COG1: variants seen among roughly 807,000 people sequenced by gnomAD.
The protein encoded by COG1 is component of oligomeric golgi complex 1.
In COG1, 61 loss-of-function variants were observed where a neutral mutation model predicts 102.2. The observed-to-expected ratio is 0.60, with a 90% CI of 0.49 to 0.74. The LOEUF (loss-of-function observed/expected upper bound fraction) is 0.74, where lower values mean the gene tolerates loss of function less well. Ranked by LOEUF, COG1 falls within the 30% of genes least tolerant of loss-of-function variation. COG1 has a pLI of 0.00. For synonymous variants in COG1, 454 were observed against 493.6 expected (o/e 0.92, Z 1.06); for missense variants, 1,164 against 1,232.1 (o/e 0.94, Z 0.83).
intron 13 of COG1, chr17:73,208,100 C>T (rs2061390407): frequency 4.8e-6 from 7 of 1,446,554 alleles, no homozygotes; most frequent in Non-Finnish European, 6.4e-6. Flanking sequence ...CAAGACAGTC[C>T]TCATTTCCAA....
intron 1 of COG1, among the ~76,000 whole-genome samples, chr17:73,194,259 G>A (rs1268648161): frequency 6.8e-6 from 1 of 147,646 alleles, no homozygotes; most frequent in African/African-American, 2.5e-5. Context: ...TGGCTAACAC[G>A]GTGAAACCCC....
At chr17:73,205,104 A>T (rs1350792259) in intron 9 of COG1, 1 of 227,732 alleles carries the variant, frequency 4.4e-6, no homozygotes, top group Non-Finnish European at 8.8e-6. Flanking sequence ...TGGAGGTTGC[A>T]GTGAGCCCAG....
rs1312370015 is a variant in COG1, at chr17:73,196,428, A to C, written c.316-79A>C. Reference sequence around the variant, plus strand: ...AAGTTTTGTATCCTTAAATACCCCCAGATTTCTTCCTAAGCCTACAGAACA... The same window carrying C: ...AAGTTTTGTATCCTTAAATACCCCCCGATTTCTTCCTAAGCCTACAGAACA... On this transcript the variant is annotated intron_variant, in intron 1 of 13. Coordinates refer to ENST00000299886, the MANE Select transcript of COG1 (RefSeq NM_018714.3). The C allele has an allele frequency of 2.6e-5, 42 of 1,608,292 alleles. 1 individual carries two copies. The highest frequency in any genetic ancestry group is 1.2e-4 in the South Asian group (11 of 90,232).
intron 4 of COG1, among the ~76,000 whole-genome samples, chr17:73,197,723 G>A (rs1479947147): frequency 6.6e-6 from 1 of 152,214 alleles, no homozygotes; most frequent in Non-Finnish European, 1.5e-5. Flanking sequence ...AAGGTTGAGT[G>A]GGAGTCACTT....
At position 73,197,007 on chromosome 17, in the gene COG1, C is replaced by T; in HGVS notation, c.668C>T (p.Pro223Leu). 1 of 1,614,226 alleles carries T rather than the reference C, an allele frequency of 6.2e-7. No homozygotes were observed. Among genetic ancestry groups the T allele is most frequent in the African/African-American group, 1.3e-5 (1 of 75,064 alleles). Residue 223 changes from proline to leucine, a missense_variant, in exon 3 of 14, where the codon CCT becomes CTT. Coordinates refer to ENST00000299886, the MANE Select transcript of COG1 (RefSeq NM_018714.3). ...ATAATGCTCTTAGAAGAGAGTTCTC[C>T]TCGCCAAGCCCTCACAGACTTCCTG... is the stretch of plus-strand genomic sequence containing the variant. ...CSIMLLEESS[P>L]RQALTDFLLA...
chr17:73,199,771 A>G, intron 4 of COG1, 94 bp from the exon 5 acceptor site: 1 of 1,462,752 alleles, frequency 6.8e-7, no homozygotes, highest in East Asian at 2.3e-5. Flanking sequence ...GTGAGGTTTC[A>G]CTGTGTTGCC....
Position 73,196,764 on chromosome 17 carries a change from A to G in COG1, c.560+13A>G. On this transcript the variant is annotated intron_variant, in intron 2 of 13. Coordinates refer to ENST00000299886, the MANE Select transcript of COG1 (RefSeq NM_018714.3). ...CCAGCCACTTCCGGTAAGTGGATCC[A>G]GCGCAAAGAGCTGCTCTGGTGGTGG... is the stretch of plus-strand genomic sequence containing the variant. The G allele has an allele frequency of 3.7e-6, 6 of 1,614,132 alleles. No individual in the cohort carries two copies. The highest frequency in any genetic ancestry group is 5.1e-6 in the Non-Finnish European group (6 of 1,180,036).
Position 73,196,717 on chromosome 17 carries a change from C to T in COG1, c.526C>T (p.Leu176Phe), listed in dbSNP as rs752522695. Residue 176 changes from leucine (L) to phenylalanine (F), a missense_variant, in exon 2 of 14, where the codon CTC becomes TTC. By Grantham distance (22) the Leu-to-Phe change is conservative (BLOSUM62 0). Transcript: ENST00000299886. ...TCCCGTCCTCTCCCGGTTTCCTATA[C>T]TCATCCGGCAGGTGGCAGCCGCCAG... ...YSPVLSRFPI[L>F]IRQVAAASHF... is the part of the protein sequence containing the mutation. 1.2e-6 allele frequency: 2 copies of T among 1,614,108 alleles called. No homozygotes were observed. Among genetic ancestry groups the T allele is most frequent in the South Asian group, 2.2e-5 (2 of 91,082 alleles).
rs773339185 is a variant in COG1, at chr17:73,201,607, G to A, written c.1780G>A (p.Glu594Lys). 3 of 1,614,198 alleles carry A rather than the reference G, an allele frequency of 1.9e-6. No individual in the cohort carries two copies. The highest frequency in any genetic ancestry group is 2.5e-6 in the Non-Finnish European group (3 of 1,180,030). Residue 594 changes from glutamate to lysine, a missense_variant, in exon 7 of 14, where the codon GAG becomes AAG. Transcript: ENST00000299886. ...CCGGGCAGAGCTACAGAGCATTGAAGAGGGTGTGCAAGGGCAACAGGATGC... is the reference window on the plus strand; with the variant it reads ...CCGGGCAGAGCTACAGAGCATTGAAAAGGGTGTGCAAGGGCAACAGGATGC... ...CIRAELQSIE[E>K]GVQGQQDALN...
intron 13 of COG1, chr17:73,207,604 T>C (rs2061384828): frequency 1.0e-6 from 1 of 957,878 alleles, no homozygotes. Context: ...GTTCTGGTGA[T>C]GATGGTTTTA....
At position 73,196,585 on chromosome 17, in the gene COG1, T is replaced by C. The variant is rs569882797; in HGVS notation, c.394T>C (p.Trp132Arg). 9.3e-6 allele frequency: 15 copies of C among 1,614,208 alleles called. No individual in the cohort carries two copies. The Admixed American group carries it at 1.0e-4, about 11-fold the overall frequency. ...KLLLEIPEKI[W>R]SSMEASQCLH... ...ACTCTTAGAAATTCCGGAGAAGATC[T>C]GGAGCTCGATGGAAGCCTCTCAGTG... is the stretch of plus-strand genomic sequence containing the variant. Residue 132 changes from tryptophan to arginine, a missense_variant, in exon 2 of 14, where the codon TGG becomes CGG. Transcript: ENST00000299886.
chr17:73,200,838 T>C, intron 6 of COG1, 62 bp downstream of exon 6: 1 of 1,452,190 alleles, frequency 6.9e-7, no homozygotes, highest in Non-Finnish European at 9.7e-7. Flanking sequence ...ATTTTGACTG[T>C]CTTGGGAGAT....
At chr17:73,196,297 G>C (rs531312424) in intron 1 of COG1, among the ~76,000 whole-genome samples, 1 of 152,170 alleles carries the variant, frequency 6.6e-6, no homozygotes, top group Non-Finnish European at 1.5e-5. Context: ...AAAAATGCAC[G>C]CGTGTGTAGG....
At chr17:73,198,990 G>A (rs2061335833) in intron 4 of COG1, among the ~76,000 whole-genome samples, 1 of 152,176 alleles carries the variant, frequency 6.6e-6, no homozygotes, top group Non-Finnish European at 1.5e-5. Context: ...TTCCCTCAAG[G>A]TGCTTACATT....
At position 73,201,578 on chromosome 17, in the gene COG1, G is replaced by A; in HGVS notation, c.1751G>A (p.Cys584Tyr). The A allele has an allele frequency of 2.5e-6, 4 of 1,614,226 alleles. No homozygotes were observed. Among genetic ancestry groups the A allele is most frequent in the Non-Finnish European group, 3.4e-6 (4 of 1,180,048 alleles). ...SVACIKHIVD[C>Y]IRAELQSIEE... Reference sequence around the variant, plus strand: ...GCATGCATCAAGCACATCGTGGACTGCATCCGGGCAGAGCTACAGAGCATT... The same window carrying A: ...GCATGCATCAAGCACATCGTGGACTACATCCGGGCAGAGCTACAGAGCATT... Residue 584 changes from cysteine to tyrosine, a missense_variant, in exon 7 of 14, where the codon TGC (cysteine) becomes TAC (tyrosine). Physicochemically the swap from Cys to Tyr is radical, Grantham distance 194. Transcript: ENST00000299886.
rs534289539 is a variant in COG1, at chr17:73,200,714, C to G, written c.1219C>G (p.Leu407Val). 1 of 1,613,316 alleles carries G rather than the reference C, an allele frequency of 6.2e-7. No individual in the cohort carries two copies. Among genetic ancestry groups the G allele is most frequent in the East Asian group, 2.2e-5 (1 of 44,862 alleles). ...CTGGGATGTGCTATGTCGGCGGCTT[C>G]TGGAGAAGCCGCTCTTGTTCTGGGA... ...HSWDVLCRRLLEKPLLFWEDM... is the reference protein window; with the variant it reads ...HSWDVLCRRLVEKPLLFWEDM... The change falls in exon 6 of 14, where the codon CTG becomes GTG. Residue 407 changes from leucine (L) to valine (V), a missense_variant. Transcript: ENST00000299886.
At chr17:73,202,499 G>T (rs1474746020) in intron 7 of COG1, among the ~76,000 whole-genome samples, 1 of 151,018 alleles carries the variant, frequency 6.6e-6, no homozygotes, top group Non-Finnish European at 1.5e-5. Flanking sequence ...TTAAGAGGTG[G>T]TATTTGGGCC....
intron 1 of COG1, 89 bp downstream of exon 1, chr17:73,193,473 C>G: frequency 7.6e-7 from 1 of 1,319,074 alleles, no homozygotes. Flanking sequence ...TCTGTCAGTC[C>G]CAGACCCCGC....
At chr17:73,196,275 G>A (rs768567072) in intron 1 of COG1, among the ~76,000 whole-genome samples, 9 of 152,226 alleles carry the variant, frequency 5.9e-5, no homozygotes, top group Non-Finnish European at 1.3e-4. Context: ...TTGCCTCTTC[G>A]TGGGGCTGAG....
Sources: allele counts gnomAD v4.1 joint callset (sites outside exome capture counted in the v4.1 genomes callset), GRCh38; gene constraint gnomAD v4.1.1; transcripts MANE v1.5; gene names NCBI Gene and HGNC (gene_info 2026-07-23, HGNC 2026-07-21).